Variants in DTX1 observed in about 807,000 individuals in gnomAD.
DTX1 encodes E3 ubiquitin-protein ligase DTX1.
Under a neutral mutation model 57.8 loss-of-function variants are expected in DTX1, and 26 were observed. That is an observed-to-expected ratio of 0.45 (90% CI 0.33 to 0.62). The LOEUF (loss-of-function observed/expected upper bound fraction) is 0.62. DTX1 is among the 20% of genes least tolerant of loss of function. The probability of loss-of-function intolerance (pLI) is 0.02; values close to 1 mark genes in which losing one functional copy is unlikely to be tolerated. For missense variants in DTX1, 704 were observed against 895.3 expected (o/e 0.79, Z 2.73); for synonymous variants, 398 against 394.1 (o/e 1.01, Z -0.12).
rs577464359 is a variant in DTX1, at chr12:113,058,027, C to T, written c.-166C>T. 29 of 1,154,116 alleles carry T rather than the reference C, an allele frequency of 2.5e-5. No individual in the cohort carries two copies. In the African/African-American group the frequency reaches 4.2e-4, roughly 17 times the overall value. The allele number at this position is 1,154,116 out of a possible 1,614,324, so 71.5% of individuals were successfully genotyped here. A position where few individuals can be genotyped will look rare whatever the true frequency, so the allele number is the denominator to read the frequency against. ...GCAGCCTGGATGGCCATCCCACATTCCTTTAACGGAGGTCTCTAGGCCTCA... is the reference window on the plus strand; with the variant it reads ...GCAGCCTGGATGGCCATCCCACATTTCTTTAACGGAGGTCTCTAGGCCTCA... On this transcript the variant is annotated 5_prime_UTR_variant, in exon 2 of 10. Transcript: ENST00000548759.
chr12:113,071,192 C>T (rs2044735627), intron 2 of DTX1, among the ~76,000 whole-genome samples: 1 of 152,232 alleles, frequency 6.6e-6, no homozygotes, highest in South Asian at 2.1e-4. Context: ...TCTCTCCATC[C>T]TGCTGTCACC....
chr12:113,068,119 C>T (rs1454613463), intron 2 of DTX1, among the ~76,000 whole-genome samples: 1 of 152,210 alleles, frequency 6.6e-6, no homozygotes, highest in African/African-American at 2.4e-5. Context: ...ACCATATCCG[C>T]CCAGCTTGCA....
At position 113,093,440 on chromosome 12, in the gene DTX1, C is replaced by A; in HGVS notation, c.1004-99C>A. ...GTGGGTGGGGCCCAAGAGCGCAACCCTCCCACCCACCCGAGGGCCCCGGGA... is the reference window on the plus strand; with the variant it reads ...GTGGGTGGGGCCCAAGAGCGCAACCATCCCACCCACCCGAGGGCCCCGGGA... On this transcript the variant is annotated intron_variant, in intron 4 of 9. Transcript: ENST00000548759. The surrounding 1 kb of genome is among the most constrained non-coding windows in gnomAD (Gnocchi z 4.2). 1.2e-6 allele frequency: 1 copy of A among 826,020 alleles called. No individual in the cohort carries two copies. The highest frequency in any genetic ancestry group is 1.9e-6 in the Non-Finnish European group (1 of 536,258). 51.2% of individuals were successfully genotyped at this position (826,020 alleles called of 1,614,324 possible). A position where few individuals can be genotyped will look rare whatever the true frequency, so the allele number is the denominator to read the frequency against.
In DTX1 at chr12:113,083,015, C is replaced by G. The variant is rs541807105; in HGVS notation, c.941+4910C>G. Among the ~76,000 whole-genome samples, 6 of 152,344 alleles carry G rather than the reference C, an allele frequency of 3.9e-5. No individual in the cohort carries two copies. In the South Asian group the frequency reaches 1.2e-3, roughly 32 times the overall value. ...TCTTGAGACTAGAAGTCCGAGATCACGGTGTCACAGGGTAGTTTCCTTCTG... is the reference window on the plus strand; with the variant it reads ...TCTTGAGACTAGAAGTCCGAGATCAGGGTGTCACAGGGTAGTTTCCTTCTG... On this transcript the variant is annotated intron_variant, in intron 3 of 9. Coordinates refer to ENST00000548759, the MANE Select transcript of DTX1 (RefSeq NM_004416.3).
intron 2 of DTX1, among the ~76,000 whole-genome samples, chr12:113,068,248 A>C (rs1208882156): frequency 6.6e-6 from 1 of 152,202 alleles, no homozygotes; most frequent in Non-Finnish European, 1.5e-5. Flanking sequence ...ACTCCTGACC[A>C]CAGAGGGATG....
intron 2 of DTX1, among the ~76,000 whole-genome samples, chr12:113,062,192 G>A (rs531133949): frequency 2.0e-5 from 3 of 152,270 alleles, no homozygotes; most frequent in Admixed American, 1.3e-4. Context: ...CTTGAACTTT[G>A]AGGGGAGACT....
chr12:113,072,702 T>C (rs1011985777), intron 2 of DTX1, among the ~76,000 whole-genome samples: 4 of 139,242 alleles, frequency 2.9e-5, no homozygotes, highest in Non-Finnish European at 4.6e-5. Context: ...TTTTCTTTTT[T>C]TTTTTTTTTT....
At chr12:113,088,837 G>C (rs1373121894) in intron 3 of DTX1, among the ~76,000 whole-genome samples, 1 of 64,498 alleles carries the variant, frequency 1.6e-5, no homozygotes, top group African/African-American at 7.6e-5. Context: ...CTCCTCAAAA[G>C]TTTTGTTGTT....
At chr12:113,070,670 C>T (rs1458426400) in intron 2 of DTX1, among the ~76,000 whole-genome samples, 1 of 152,210 alleles carries the variant, frequency 6.6e-6, no homozygotes, top group Admixed American at 6.5e-5. Context: ...AGGGCAGAAA[C>T]CTCACACGGC....
chr12:113,089,319 G>A (rs1326237236), intron 3 of DTX1, among the ~76,000 whole-genome samples: 2 of 152,186 alleles, frequency 1.3e-5, no homozygotes, highest in Non-Finnish European at 2.9e-5. Flanking sequence ...GGGAGCTGCA[G>A]GAGGAGTGAG....
At chr12:113,069,968 G>A (rs958540457) in intron 2 of DTX1, among the ~76,000 whole-genome samples, 14 of 152,118 alleles carry the variant, frequency 9.2e-5, no homozygotes, top group African/African-American at 2.2e-4. Context: ...CCATGCAACC[G>A]CTGTGCCTCA....
At position 113,095,171 on chromosome 12, in the gene DTX1, C is replaced by T. The variant is rs768839188; in HGVS notation, c.1516C>T (p.Arg506Cys). ...CGGCTTCCCTGATACCCAGACCATC[C>T]GCATCGTCTATGACATCCCCACAGG... ...LPGFPDTQTI[R>C]IVYDIPTGIQ... is the part of the protein sequence containing the mutation. The change falls in exon 8 of 10, where the codon CGC becomes TGC. Residue 506 changes from arginine to cysteine, a missense_variant. Arg to Cys is a radical substitution (Grantham distance 180). Around this residue, in one of 3 missense-constraint regions of DTX1, gnomAD observed 168 missense variants for 255.6 expected, o/e 0.66. Coordinates refer to ENST00000548759, the MANE Select transcript of DTX1 (RefSeq NM_004416.3). 18 of 1,612,338 alleles carry T rather than the reference C, an allele frequency of 1.1e-5. No homozygotes were observed. Among genetic ancestry groups the T allele is most frequent in the East Asian group, 6.7e-5 (3 of 44,840 alleles).
chr12:113,094,025 T>G lies in DTX1; in HGVS notation c.1166-13T>G. 5 of 1,568,232 alleles carry G rather than the reference T, an allele frequency of 3.2e-6. No homozygotes were observed. The highest frequency in any genetic ancestry group is 4.3e-6 in the Non-Finnish European group (5 of 1,155,480). Reference sequence around the variant, plus strand: ...CTGGGTACCCTCAAACCCACCCCGCTGTGTCCCTGCAGGTAAGAATCCCGA... The same window carrying G: ...CTGGGTACCCTCAAACCCACCCCGCGGTGTCCCTGCAGGTAAGAATCCCGA... On this transcript the variant is annotated splice_polypyrimidine_tract_variant and intron_variant, in intron 5 of 9. Transcript: ENST00000548759.
rs531457458 is a variant in DTX1 at position 113,093,332 on chromosome 12, G to A, written c.1003+109G>A. 2.8e-6 allele frequency: 4 copies of A among 1,403,660 alleles called. No homozygotes were observed. In the Admixed American group the frequency reaches 7.1e-5, roughly 25 times the overall value. 87.0% of individuals were successfully genotyped at this position (1,403,660 alleles called of 1,614,324 possible). ...GATGGGCTGGTGAGCGTGGCCCGGAGGAAACGCCCCCTTCCACTGGGCCCA... is the reference window on the plus strand; with the variant it reads ...GATGGGCTGGTGAGCGTGGCCCGGAAGAAACGCCCCCTTCCACTGGGCCCA... On this transcript the variant is annotated intron_variant, in intron 4 of 9. Transcript: ENST00000548759. This position sits in a 1 kb window ranked among gnomAD's most constrained non-coding sequence, Gnocchi z 4.2.
chr12:113,096,684 T>G, intron 9 of DTX1, 31 bp from the exon 10 acceptor site: 1 of 1,582,550 alleles, frequency 6.3e-7, no homozygotes, highest in Middle Eastern at 1.7e-4. Context: ...TGTGACCTCC[T>G]CCCGGCCCCA....
intron 3 of DTX1, among the ~76,000 whole-genome samples, chr12:113,083,576 T>G (rs1401770906): frequency 1.3e-5 from 2 of 152,212 alleles, no homozygotes; most frequent in Non-Finnish European, 2.9e-5. Context: ...TCCACCCACC[T>G]CGGCCTCCCG....
chr12:113,095,569 C>T, intron 9 of DTX1, 155 bp downstream of exon 9: 1 of 893,086 alleles, frequency 1.1e-6, no homozygotes, highest in Non-Finnish European at 1.7e-6. Context: ...CCACCTCCTT[C>T]ACACATCTTA....
chr12:113,065,439 G>C (rs2044697519), intron 2 of DTX1, among the ~76,000 whole-genome samples: 1 of 152,022 alleles, frequency 6.6e-6, no homozygotes, highest in Non-Finnish European at 1.5e-5. Flanking sequence ...CGACCCGCCC[G>C]CGCCTTCCGG....
At chr12:113,083,806 G>C (rs2044835560) in intron 3 of DTX1, among the ~76,000 whole-genome samples, 1 of 151,712 alleles carries the variant, frequency 6.6e-6, no homozygotes, top group African/African-American at 2.4e-5. Context: ...GCTTCCTTCT[G>C]TCCACCCTCC....
Sources: gnomAD v4.1 joint callset for allele counts (sites outside exome capture counted in the v4.1 genomes callset) on GRCh38, gnomAD v4.1.1 for gene constraint, gnomAD v4.1.1 regional missense constraint, Gnocchi (gnomAD v3.1) non-coding constraint, MANE v1.5 for transcripts, NCBI Gene and HGNC (gene_info 2026-07-23, HGNC 2026-07-21) for gene names.